Variants in KLF8 observed in about 807,000 individuals in gnomAD.
The protein encoded by KLF8 is Krueppel-like factor 8.
KLF8 carries 10 observed loss-of-function variants against 18.2 expected under a neutral mutation model. The ratio of observed to expected loss-of-function variants is 0.55; its 90% CI spans 0.34 to 0.93. The LOEUF is 0.93. Ranked by LOEUF, KLF8 falls within the 40% of genes least tolerant of loss-of-function variation. The probability of loss-of-function intolerance (pLI) is 0.02; values close to 1 mark genes in which losing one functional copy is unlikely to be tolerated. For synonymous variants in KLF8, 109 were observed against 97.3 expected, an observed-to-expected ratio of 1.12 and a Z score of -0.71; for missense variants, 264 against 277.9, an observed-to-expected ratio of 0.95 and a Z score of 0.36.
chrX:55,922,761 C>T, the KLF8 span, among the ~76,000 whole-genome samples: 2 of 111,967 alleles, frequency 1.8e-5, no homozygotes, highest in Non-Finnish European at 3.8e-5. Flanking sequence ...AAATGGAAAT[C>T]GAAACCACAG....
At chrX:55,918,796 A>G in the KLF8 span, among the ~76,000 whole-genome samples, 9 of 111,434 alleles carry the variant, frequency 8.1e-5, no homozygotes, top group Non-Finnish European at 1.5e-4. Flanking sequence ...CTTTATAAGG[A>G]CACCAGTCAT....
chrX:56,159,242 T>A, the KLF8 span, among the ~76,000 whole-genome samples: 7 of 112,186 alleles, frequency 6.2e-5, no homozygotes, highest in African/African-American at 1.9e-4. Flanking sequence ...GAAGCCCACC[T>A]GATCATAGTG....
At chrX:56,103,420 C>T in the KLF8 span, among the ~76,000 whole-genome samples, 1 of 111,251 alleles carries the variant, frequency 9.0e-6, no homozygotes, top group Non-Finnish European at 1.9e-5. Context: ...TTGAAGAGAT[C>T]CTTCACATCC....
chrX:56,050,065 G>A, the KLF8 span, among the ~76,000 whole-genome samples: 4 of 110,376 alleles, frequency 3.6e-5, no homozygotes, highest in Non-Finnish European at 5.7e-5. Context: ...AGAGGTGTTT[G>A]TAGTATTCTC....
chrX:56,073,275 C>T, the KLF8 span, among the ~76,000 whole-genome samples: 1 of 112,492 alleles, frequency 8.9e-6, no homozygotes, highest in East Asian at 2.8e-4. Flanking sequence ...GCGTGAGCCA[C>T]TGCGCCCGGC....
the KLF8 span, among the ~76,000 whole-genome samples, chrX:55,920,743 T>A: frequency 9.0e-6 from 1 of 111,479 alleles, no homozygotes; most frequent in African/African-American, 3.3e-5. Flanking sequence ...TTTTAAAAAA[T>A]GAACAAAGCC....
At chrX:56,236,713 G>T (rs1213011537) in intron 1 of KLF8, among the ~76,000 whole-genome samples, 1 of 110,415 alleles carries the variant, frequency 9.1e-6, no homozygotes, top group African/African-American at 3.3e-5. Context: ...TTACTAAAGG[G>T]TGCATGGTGA....
the KLF8 span, among the ~76,000 whole-genome samples, chrX:55,971,201 G>C: frequency 1.8e-5 from 2 of 111,052 alleles, no homozygotes; most frequent in Non-Finnish European, 3.8e-5. Flanking sequence ...CATGGTACTG[G>C]CATAAAAATA....
At chrX:56,130,186 TGGCAGGA>T in the KLF8 span, among the ~76,000 whole-genome samples, 1 of 111,482 alleles carries the variant, frequency 9.0e-6, no homozygotes, top group Non-Finnish European at 1.9e-5. Context: ...CCTCACCTCC[TGGCAGGA>T]GGCCAACCAG....
chrX:55,961,948 G>T, the KLF8 span: 1 of 188,732 alleles, frequency 5.3e-6, no homozygotes, highest in South Asian at 8.8e-5. Context: ...TGCTAGTGAT[G>T]ATTGTAACAA....
the KLF8 span, among the ~76,000 whole-genome samples, chrX:55,947,153 C>G: frequency 9.0e-6 from 1 of 111,009 alleles, no homozygotes; most frequent in Admixed American, 9.6e-5. Flanking sequence ...ACCCAAAGGA[C>G]TATAAATCAT....
the KLF8 span, among the ~76,000 whole-genome samples, chrX:55,924,757 T>C: frequency 9.1e-6 from 1 of 109,556 alleles, no homozygotes; most frequent in East Asian, 2.8e-4. Flanking sequence ...GCAAATTTCC[T>C]AGTGGAACAA....
the KLF8 span, among the ~76,000 whole-genome samples, chrX:56,000,480 G>A: frequency 2.3e-5 from 2 of 87,399 alleles, no homozygotes; most frequent in African/African-American, 3.8e-5. Flanking sequence ...TTTCTTGGGG[G>A]GGGGGGGAGG....
the KLF8 span, among the ~76,000 whole-genome samples, chrX:55,937,510 C>T: frequency 6.2e-5 from 7 of 112,561 alleles, no homozygotes; most frequent in Admixed American, 9.4e-5. Flanking sequence ...AGCAATGGAA[C>T]AAAGCTGGAC....
the KLF8 span, among the ~76,000 whole-genome samples, chrX:55,918,741 C>CGT: frequency 3.6e-3 from 389 of 107,698 alleles, no homozygotes; most frequent in East Asian, 9.6e-3. Context: ...TGAGCGTGTC[C>CGT]GTGTGTGTGT....
At chrX:56,087,913 AT>A in the KLF8 span, among the ~76,000 whole-genome samples, 687 of 104,779 alleles carry the variant, frequency 6.6e-3, 3 homozygotes, top group African/African-American at 0.021. Context: ...GTCTTGGGTA[AT>A]TTTTTTTTTT....
the KLF8 span, among the ~76,000 whole-genome samples, chrX:56,164,729 C>CTTTTTTTTTTTTTTTTTTCT: frequency 1.9e-5 from 1 of 51,918 alleles, no homozygotes; most frequent in African/African-American, 8.6e-5. Context: ...CTTGTTATCT[C>CTTTTTTTTTTTTTTTTTTCT]TTTTTTTTTT....
chrX:55,937,958 T>C, the KLF8 span, among the ~76,000 whole-genome samples: 302 of 112,177 alleles, frequency 2.7e-3, 1 homozygote, highest in Non-Finnish European at 4.4e-3. Flanking sequence ...GTGCAGGCTA[T>C]TATTGAGGAG....
chrX:56,116,621 A>G, the KLF8 span, among the ~76,000 whole-genome samples: 1 of 78,017 alleles, frequency 1.3e-5, no homozygotes, highest in Admixed American at 1.6e-4. Context: ...CATGGTATAC[A>G]GTATGATGTT....
Sources: allele counts gnomAD v4.1 joint callset (sites outside exome capture counted in the v4.1 genomes callset), GRCh38; gene constraint gnomAD v4.1.1; transcripts MANE v1.5; gene names NCBI Gene and HGNC (gene_info 2026-07-23, HGNC 2026-07-21).